ABCD3: variants seen among roughly 807,000 people sequenced by gnomAD.
ABCD3 encodes the protein ATP-binding cassette sub-family D member 3.
ABCD3 carries 41 observed loss-of-function variants against 105.5 expected under a neutral mutation model. The observed-to-expected ratio is 0.39, with a 90% CI of 0.30 to 0.50. The LOEUF (loss-of-function observed/expected upper bound fraction) is 0.50. Ranked by LOEUF, ABCD3 falls within the 20% of genes least tolerant of loss-of-function variation. ABCD3 has a pLI of 0.84. For missense variants in ABCD3, 622 were observed against 806.3 expected (o/e 0.77, Z 2.77); for synonymous variants, 258 against 269.0 (o/e 0.96, Z 0.40).
intron 9 of ABCD3, chr1:94,482,690 G>A: frequency 6.0e-6 from 1 of 165,488 alleles, no homozygotes; most frequent in Non-Finnish European, 1.3e-5. Flanking sequence ...CCTGGGAGCT[G>A]GCACTTTGAA....
intron 20 of ABCD3, among the ~76,000 whole-genome samples, chr1:94,505,395 A>G (rs1257076755): frequency 2.2e-5 from 3 of 138,848 alleles, no homozygotes; most frequent in Admixed American, 7.3e-5. Context: ...TTTTTTTTTT[A>G]AGAGATGTGG....
chr1:94,434,985 TTATC>T (rs1421972640), intron 1 of ABCD3, among the ~76,000 whole-genome samples: 1 of 152,158 alleles, frequency 6.6e-6, no homozygotes, highest in Non-Finnish European at 1.5e-5. Context: ...GGTTTTTTTT[TTATC>T]TATGTCTCTT....
the ABCD3 span, among the ~76,000 whole-genome samples, chr1:94,408,102 G>C: frequency 6.6e-6 from 1 of 152,222 alleles, no homozygotes; most frequent in Non-Finnish European, 1.5e-5. Context: ...TTCTCTAAGA[G>C]ATGCAGAAGT....
chr1:94,500,056 G>A (rs1336800938), intron 20 of ABCD3, among the ~76,000 whole-genome samples: 1 of 152,024 alleles, frequency 6.6e-6, no homozygotes, highest in Non-Finnish European at 1.5e-5. Flanking sequence ...TTCTGTTCTT[G>A]CCCTTTTCCT....
chr1:94,418,550 C>T lies in ABCD3; in HGVS notation c.72C>T (p.Cys24=), dbSNP rs1286348927. 3.7e-6 allele frequency: 6 copies of T among 1,604,594 alleles called. No individual in the cohort carries two copies. The highest frequency in any genetic ancestry group is 2.5e-6 in the Non-Finnish European group (3 of 1,179,120). The part of the protein sequence containing the change: ...SLAGAAFLLL[C]LLHKRRRALG... Reference sequence around the variant, plus strand: ...CTGGTGCCGCGTTCCTGCTGCTCTGCCTGCTCCACAAGCGGCGCCGCGCCC... The same window carrying T: ...CTGGTGCCGCGTTCCTGCTGCTCTGTCTGCTCCACAAGCGGCGCCGCGCCC... The change falls in exon 1 of 23, where the codon TGC becomes TGT. Residue 24 remains cysteine (C), a synonymous_variant. Coordinates refer to ENST00000370214, the MANE Select transcript of ABCD3 (RefSeq NM_002858.4).
At chr1:94,415,745 A>G (rs980591109), upstream of ABCD3, among the ~76,000 whole-genome samples, 2 of 152,228 alleles carry the variant, frequency 1.3e-5, no homozygotes, top group Non-Finnish European at 2.9e-5. Flanking sequence ...CCCAGGTTTG[A>G]TATTACATAC....
chr1:94,440,876 T>A (rs1166184180), intron 1 of ABCD3, among the ~76,000 whole-genome samples: 1 of 152,174 alleles, frequency 6.6e-6, no homozygotes, highest in African/African-American at 2.4e-5. Context: ...AATAATCCCA[T>A]TTATCTCAAA....
chr1:94,411,686 A>T, the ABCD3 span, among the ~76,000 whole-genome samples: 2 of 152,216 alleles, frequency 1.3e-5, no homozygotes, highest in African/African-American at 4.8e-5. Context: ...CTCCCAATAC[A>T]TGTACATTCA....
intron 1 of ABCD3, among the ~76,000 whole-genome samples, chr1:94,442,000 TATATA>T (rs760855405): frequency 3.9e-5 from 6 of 152,168 alleles, no homozygotes; most frequent in Non-Finnish European, 8.8e-5. Context: ...GTACTATAGT[TATATA>T]AGAGAAAGTC....
At chr1:94,456,470 G>GT (rs1647572637) in intron 1 of ABCD3, among the ~76,000 whole-genome samples, 1 of 150,962 alleles carries the variant, frequency 6.6e-6, no homozygotes, top group Admixed American at 6.6e-5. Context: ...TAGAGACAGA[G>GT]TTTCACCGTG....
chr1:94,428,186 G>C (rs1472577811), intron 1 of ABCD3, among the ~76,000 whole-genome samples: 1 of 151,790 alleles, frequency 6.6e-6, no homozygotes, highest in African/African-American at 2.4e-5. Context: ...AGTGAATGCA[G>C]TTAAGTTAAT....
intron 15 of ABCD3, 48 bp downstream of exon 15, chr1:94,490,023 T>G (rs746434852): frequency 5.4e-6 from 8 of 1,494,382 alleles, no homozygotes; most frequent in Non-Finnish European, 7.5e-6. Context: ...TTGTTAAACT[T>G]CATAGTAGTC....
the ABCD3 span, among the ~76,000 whole-genome samples, chr1:94,411,384 C>A: frequency 1.3e-5 from 2 of 152,116 alleles, no homozygotes; most frequent in African/African-American, 4.8e-5. Context: ...TGCTCAAAAT[C>A]ATTAGTCATT....
At chr1:94,444,303 G>A (rs1450609466) in intron 1 of ABCD3, among the ~76,000 whole-genome samples, 1 of 141,392 alleles carries the variant, frequency 7.1e-6, no homozygotes, top group East Asian at 2.1e-4. Flanking sequence ...CTGTACTCTA[G>A]CCGGGGGGGC....
intron 1 of ABCD3, among the ~76,000 whole-genome samples, chr1:94,440,500 A>G (rs912278219): frequency 1.3e-5 from 2 of 152,196 alleles, no homozygotes; most frequent in Admixed American, 6.5e-5. Context: ...TCCAAGCCCA[A>G]TAGACATTAC....
intron 5 of ABCD3, among the ~76,000 whole-genome samples, chr1:94,474,103 T>A (rs1366990355): frequency 1.3e-5 from 2 of 150,114 alleles, no homozygotes; most frequent in African/African-American, 4.9e-5. Context: ...ATTTTTTTTT[T>A]AACCTTCAGT....
intron 3 of ABCD3, among the ~76,000 whole-genome samples, chr1:94,465,369 T>A (rs1223001788): frequency 6.6e-6 from 1 of 152,220 alleles, no homozygotes; most frequent in African/African-American, 2.4e-5. Context: ...ATAGGTCAAA[T>A]GTTTTCTCTG....
chr1:94,453,323 CT>C (rs766404829), intron 1 of ABCD3, among the ~76,000 whole-genome samples: 251 of 135,390 alleles, frequency 1.9e-3, no homozygotes, highest in Middle Eastern at 3.9e-3. Context: ...TTATATTTTT[CT>C]TTTTTTTTTT....
intron 1 of ABCD3, among the ~76,000 whole-genome samples, chr1:94,426,848 ATTTTTTT>A (rs67942477): frequency 7.6e-6 from 1 of 131,618 alleles, no homozygotes; most frequent in African/African-American, 2.9e-5. Context: ...CCCAGCCTGA[ATTTTTTT>A]TTTTTTTTTT....
Sources: allele counts gnomAD v4.1 joint callset (sites outside exome capture counted in the v4.1 genomes callset), GRCh38; gene constraint gnomAD v4.1.1; transcripts MANE v1.5; gene names NCBI Gene and HGNC (gene_info 2026-07-23, HGNC 2026-07-21).